The following CFAP20DC variants were observed in gnomAD, a reference collection of about 807,000 sequenced individuals.
The protein encoded by CFAP20DC is CFAP20 domain containing, also known as protein CFAP20DC.
CFAP20DC carries 84 observed loss-of-function variants against 101.7 expected under a neutral mutation model. The ratio of observed to expected loss-of-function variants is 0.83; its 90% CI spans 0.69 to 0.99. The LOEUF (loss-of-function observed/expected upper bound fraction) is 0.99, where lower values mean the gene tolerates loss of function less well. Among genes scored for constraint, CFAP20DC ranks in the 50% least tolerant of loss-of-function variants. CFAP20DC has a pLI of 0.00. For synonymous variants in CFAP20DC, 359 were observed against 351.2 expected, an observed-to-expected ratio of 1.02 and a Z score of -0.25; for missense variants, 1,007 against 970.3, an observed-to-expected ratio of 1.04 and a Z score of -0.50.
At position 58,793,235 on chromosome 3, in the gene CFAP20DC, C is replaced by A. The variant is rs867328340; in HGVS notation, c.2237+13160G>T. ...AAGCTGCCTTCTGACTATGAGTAAT[C>A]TGTTAATCTACTCTTCGCCTCACAA... is the stretch of plus-strand genomic sequence containing the variant. On this transcript the variant is annotated intron_variant, in intron 15 of 16. Coordinates refer to ENST00000482387, the MANE Select transcript of CFAP20DC (RefSeq NM_001394063.1). Among the ~76,000 whole-genome samples the A allele has an allele frequency of 2.5e-4, 38 of 152,260 alleles. No homozygotes were observed. In the Middle Eastern group the frequency reaches 0.024, roughly 95 times the overall value.
intron 3 of CFAP20DC, among the ~76,000 whole-genome samples, chr3:58,730,106 G>A (rs546863144): frequency 6.6e-6 from 1 of 151,846 alleles, no homozygotes; most frequent in South Asian, 2.1e-4. Flanking sequence ...GTCATTTTAA[G>A]GCTCACTCTG....
chr3:58,748,613 A>G (rs547231031), intron 16 of CFAP20DC, among the ~76,000 whole-genome samples: 3 of 152,198 alleles, frequency 2.0e-5, no homozygotes, highest in Non-Finnish European at 4.4e-5. Context: ...CATTAAAGGA[A>G]TGTTAGAAAA....
chr3:58,925,732 T>A (rs1349779074), intron 5 of CFAP20DC, among the ~76,000 whole-genome samples: 1 of 152,212 alleles, frequency 6.6e-6, no homozygotes, highest in East Asian at 1.9e-4. Flanking sequence ...TTGCACTGTC[T>A]AACTGTTGAG....
intron 5 of CFAP20DC, among the ~76,000 whole-genome samples, chr3:58,922,357 C>T (rs542822810): frequency 3.7e-4 from 57 of 152,252 alleles, no homozygotes; most frequent in African/African-American, 9.4e-4. Flanking sequence ...GTTATTGCTA[C>T]GGTTTGGATA....
At position 58,861,574 on chromosome 3, in the gene CFAP20DC, T is replaced by C; in HGVS notation, c.1593+1984A>G. On this transcript the variant is annotated intron_variant, in intron 12 of 16. Coordinates refer to ENST00000482387, the MANE Select transcript of CFAP20DC (RefSeq NM_001394063.1). This position sits in a 1 kb window ranked among gnomAD's most constrained non-coding sequence, Gnocchi z 4.0. ...TCCAATTTTGTTAAGAAGGTATCAT[T>C]ACACATGCTAAAACTTGTTTAAATA... The C allele has an allele frequency of 1.0e-6, 1 of 985,064 alleles. No homozygotes were observed. The highest frequency in any genetic ancestry group is 1.2e-6 in the Non-Finnish European group (1 of 829,564). 61.0% of individuals were successfully genotyped at this position (985,064 alleles called of 1,614,324 possible). A position where few individuals can be genotyped will look rare whatever the true frequency, so the allele number is the denominator to read the frequency against.
intron 12 of CFAP20DC, among the ~76,000 whole-genome samples, chr3:58,849,779 A>G (rs1402227718): frequency 6.6e-6 from 1 of 152,182 alleles, no homozygotes; most frequent in Non-Finnish European, 1.5e-5. Context: ...CTTTCTGATA[A>G]GTTAACTCCA....
At chr3:58,890,534 T>C (rs2082110029) in intron 6 of CFAP20DC, among the ~76,000 whole-genome samples, 2 of 147,220 alleles carry the variant, frequency 1.4e-5, no homozygotes, top group East Asian at 4.2e-4. Flanking sequence ...GCCCCTCACC[T>C]CCCAGACGGG....
chr3:58,960,002 G>A (rs554113071), intron 4 of CFAP20DC, among the ~76,000 whole-genome samples: 1 of 152,164 alleles, frequency 6.6e-6, no homozygotes, highest in East Asian at 1.9e-4. Flanking sequence ...GTTGTGATAA[G>A]CTTCTGCCTT....
chr3:58,967,287 G>A (rs928646327), intron 4 of CFAP20DC, among the ~76,000 whole-genome samples: 2 of 152,074 alleles, frequency 1.3e-5, no homozygotes, highest in African/African-American at 4.8e-5. Context: ...TTTTTACAGT[G>A]CTACTGAAAC....
Position 59,049,702 on chromosome 3 carries a change from CT to C in CFAP20DC, c.-72del. On this transcript the variant is annotated 5_prime_UTR_variant, in exon 1 of 17. Coordinates refer to ENST00000482387, the MANE Select transcript of CFAP20DC (RefSeq NM_001394063.1). ...CCAGCGAGTGGCGTGACCCTGACGGCTGGAAATCGGCTGGCGGGAACCCAGG... is the reference window on the plus strand; with the variant it reads ...CCAGCGAGTGGCGTGACCCTGACGGCGGAAATCGGCTGGCGGGAACCCAGG... 2 of 1,517,734 alleles carry C rather than the reference CT, an allele frequency of 1.3e-6. No individual in the cohort carries two copies. The highest frequency in any genetic ancestry group is 3.4e-4 in the Middle Eastern group (2 of 5,872). The allele number at this position is 1,517,734 out of a possible 1,614,324, so 94.0% of individuals were successfully genotyped here.
At position 58,717,603 on chromosome 3, in the gene CFAP20DC, G is replaced by GGCT. The variant is rs1237782535; in HGVS notation, c.220_222dup (p.Ala75dup). ...AGTTTTGCCTTCACAGTTGCAAAAT[G>GGCT]GCTGTAGCACTTCCAGACATTTCTT... On this transcript the variant is annotated inframe_insertion, in exon 4 of 4. Transcript: ENST00000486145. This position sits in a 1 kb window ranked among gnomAD's most constrained non-coding sequence, Gnocchi z 4.1. The GGCT allele has an allele frequency of 2.2e-6, 1 of 453,594 alleles. No homozygotes were observed. Among genetic ancestry groups the GGCT allele is most frequent in the Admixed American group, 2.4e-5 (1 of 42,276 alleles). The allele number at this position is 453,594 out of a possible 1,614,324, so 28.1% of individuals were successfully genotyped here.
chr3:58,758,254 A>T lies in CFAP20DC; in HGVS notation c.2238-4391T>A, dbSNP rs539890852. 3.8e-4 allele frequency among the ~76,000 whole-genome samples: 58 copies of T among 152,272 alleles called. 1 individual carries two copies. The highest frequency in any genetic ancestry group is 3.8e-3 in the Admixed American group (58 of 15,276). On this transcript the variant is annotated intron_variant, in intron 15 of 16. Coordinates refer to ENST00000482387, the MANE Select transcript of CFAP20DC (RefSeq NM_001394063.1). Reference sequence around the variant, plus strand: ...TTACATGTTTACATTTTTATATGTGATATTTAATGCTGGCCCATTGTCTTG... The same window carrying T: ...TTACATGTTTACATTTTTATATGTGTTATTTAATGCTGGCCCATTGTCTTG...
chr3:59,022,234 AT>A (rs2093815812), intron 4 of CFAP20DC, among the ~76,000 whole-genome samples: 1 of 152,082 alleles, frequency 6.6e-6, no homozygotes, highest in African/African-American at 2.4e-5. Flanking sequence ...GGCAGCAAAG[AT>A]ATAAAGAATA....
intron 3 of CFAP20DC, among the ~76,000 whole-genome samples, chr3:58,723,699 T>C (rs1188316683): frequency 6.6e-6 from 1 of 152,220 alleles, no homozygotes; most frequent in African/African-American, 2.4e-5. Flanking sequence ...TCCCATTCTC[T>C]TTCTGGTACC....
At chr3:58,881,632 AC>A (rs554368680) in intron 7 of CFAP20DC, among the ~76,000 whole-genome samples, 19 of 152,196 alleles carry the variant, frequency 1.2e-4, no homozygotes, top group Non-Finnish European at 2.4e-4. Flanking sequence ...ACTAGAAAGC[AC>A]CCACAGAAAA....
At chr3:58,943,368 A>G (rs930340212) in intron 4 of CFAP20DC, among the ~76,000 whole-genome samples, 2 of 152,164 alleles carry the variant, frequency 1.3e-5, no homozygotes, top group African/African-American at 4.8e-5. Context: ...AAGCTTCCAG[A>G]GGAAGGAACA....
chr3:59,042,309 TA>T (rs1699463875), intron 3 of CFAP20DC, among the ~76,000 whole-genome samples: 1 of 151,832 alleles, frequency 6.6e-6, no homozygotes, highest in South Asian at 2.1e-4. Context: ...TTTGGCAAAG[TA>T]GAGAGGAAAC....
chr3:58,764,423 G>T (rs554920366), intron 15 of CFAP20DC, among the ~76,000 whole-genome samples: 41 of 152,280 alleles, frequency 2.7e-4, no homozygotes, highest in South Asian at 2.1e-4. Context: ...GATCTTCCAG[G>T]TGCCATCTGT....
At position 59,001,840 on chromosome 3, in the gene CFAP20DC, A is replaced by G. The variant is rs1465223642; in HGVS notation, c.278+37717T>C. ...AAAGGGAAGTACCTGATGTTACTAT[A>G]GTAATCAGTGGGCTTCCTGGGCTCT... On this transcript the variant is annotated intron_variant, in intron 4 of 16. Coordinates refer to ENST00000482387, the MANE Select transcript of CFAP20DC (RefSeq NM_001394063.1). This position sits in a 1 kb window ranked among gnomAD's most constrained non-coding sequence, Gnocchi z 4.5. Among the ~76,000 whole-genome samples, 1 of 152,176 alleles carries G rather than the reference A, an allele frequency of 6.6e-6. No individual in the cohort carries two copies. The highest frequency in any genetic ancestry group is 1.5e-5 in the Non-Finnish European group (1 of 68,022).
Sources: allele counts gnomAD v4.1 joint callset (sites outside exome capture counted in the v4.1 genomes callset), GRCh38; gene constraint gnomAD v4.1.1; non-coding constraint Gnocchi (gnomAD v3.1); transcripts MANE v1.5; gene names NCBI Gene and HGNC (gene_info 2026-07-23, HGNC 2026-07-21).